The following FGF13 variants were observed in gnomAD, a reference collection of about 807,000 sequenced individuals.
FGF13 encodes fibroblast growth factor homologous factor 2.
FGF13 carries 2 observed loss-of-function variants against 19.5 expected under a neutral mutation model. That is an observed-to-expected ratio of 0.10 (90% CI 0.04 to 0.32). The LOEUF is 0.32. Among genes scored for constraint, FGF13 ranks in the 10% least tolerant of loss-of-function variants. The pLI is 1.00. For missense variants in FGF13, 113 were observed against 192.7 expected, an observed-to-expected ratio of 0.59 and a Z score of 2.45; for synonymous variants, 72 against 76.9, an observed-to-expected ratio of 0.94 and a Z score of 0.33.
At chrX:138,829,446 C>T (rs1323630526) in intron 3 of FGF13, among the ~76,000 whole-genome samples, 1 of 111,489 alleles carries the variant, frequency 9.0e-6, no homozygotes, top group African/African-American at 3.3e-5. Flanking sequence ...CTGCAGACGC[C>T]TGTTCTGCTG....
intron 1 of FGF13, among the ~76,000 whole-genome samples, chrX:139,029,798 C>T (rs1198023934): frequency 9.0e-6 from 1 of 111,546 alleles, no homozygotes; most frequent in Non-Finnish European, 1.9e-5. Flanking sequence ...ATTAGAAGAA[C>T]ATTATCATGA....
At chrX:139,144,395 A>G (rs2083870422) in intron 1 of FGF13, among the ~76,000 whole-genome samples, 1 of 111,998 alleles carries the variant, frequency 8.9e-6, no homozygotes, top group African/African-American at 3.2e-5. Flanking sequence ...GCCAGTTCAC[A>G]TTCACATCCT....
At chrX:138,674,954 T>C (rs1569360960) in intron 3 of FGF13, among the ~76,000 whole-genome samples, 1 of 111,593 alleles carries the variant, frequency 9.0e-6, no homozygotes, top group Non-Finnish European at 1.9e-5. Context: ...GAGAGAATGA[T>C]AATCAAACAC....
chrX:138,802,246 C>T (rs762083150), intron 3 of FGF13, among the ~76,000 whole-genome samples: 88 of 112,273 alleles, frequency 7.8e-4, no homozygotes, highest in African/African-American at 2.7e-3. Context: ...TGTAAGCACA[C>T]GAGGGAATCT....
chrX:139,094,646 C>T (rs1424064768), intron 1 of FGF13, among the ~76,000 whole-genome samples: 3 of 112,473 alleles, frequency 2.7e-5, no homozygotes, highest in African/African-American at 9.7e-5. Flanking sequence ...GTCTTCAAGG[C>T]ACTTAAGGAC....
At chrX:138,654,735 C>T (rs769319949) in intron 3 of FGF13, among the ~76,000 whole-genome samples, 5 of 99,678 alleles carry the variant, frequency 5.0e-5, no homozygotes, top group East Asian at 7.0e-4. Flanking sequence ...AGTGAAACTC[C>T]GGCTCAAAAA....
At chrX:138,645,863 T>G (rs772870164) in intron 3 of FGF13, among the ~76,000 whole-genome samples, 207 of 111,995 alleles carry the variant, frequency 1.8e-3, no homozygotes, top group African/African-American at 6.2e-3. Context: ...AAGAATCTAA[T>G]ACTAGAATTA....
intron 3 of FGF13, among the ~76,000 whole-genome samples, chrX:138,818,931 G>A (rs1192079520): frequency 9.0e-6 from 1 of 111,642 alleles, no homozygotes; most frequent in Non-Finnish European, 1.9e-5. Flanking sequence ...GAATTGTATG[G>A]GCCACTAATT....
intron 1 of FGF13, among the ~76,000 whole-genome samples, chrX:139,107,598 G>A (rs1276657001): frequency 9.0e-6 from 1 of 111,047 alleles, no homozygotes; most frequent in Admixed American, 9.6e-5. Flanking sequence ...TGGAGGAAAG[G>A]AGGGAAAGGA....
intron 1 of FGF13, among the ~76,000 whole-genome samples, chrX:139,028,563 AAGAG>A (rs1488267660): frequency 8.1e-5 from 7 of 86,037 alleles, no homozygotes; most frequent in African/African-American, 2.8e-4. Flanking sequence ...GTTAAGGCAG[AAGAG>A]AGAGGGAGAG....
At chrX:138,921,131 T>C (rs1343822955) in intron 1 of FGF13, among the ~76,000 whole-genome samples, 1 of 111,720 alleles carries the variant, frequency 9.0e-6, no homozygotes, top group African/African-American at 3.3e-5. Context: ...AGGTACATAG[T>C]TAGCACTCAA....
At chrX:139,053,232 A>G (rs182594897) in intron 1 of FGF13, among the ~76,000 whole-genome samples, 125 of 110,877 alleles carry the variant, frequency 1.1e-3, no homozygotes, top group African/African-American at 3.4e-3. Flanking sequence ...GTGTGTGTGT[A>G]TATATCATAT....
intron 1 of FGF13, among the ~76,000 whole-genome samples, chrX:139,161,549 C>T (rs896083542): frequency 1.8e-5 from 2 of 111,194 alleles, no homozygotes; most frequent in African/African-American, 3.3e-5. Flanking sequence ...AGTCTGGCCA[C>T]GGCACTCAGG....
chrX:138,932,436 G>A (rs1032067565), intron 1 of FGF13, among the ~76,000 whole-genome samples: 5 of 108,313 alleles, frequency 4.6e-5, no homozygotes, highest in African/African-American at 1.0e-4. Context: ...AAAATTAGCC[G>A]GGCCTGGTGG....
At chrX:138,902,018 C>T (rs1034697143) in intron 1 of FGF13, among the ~76,000 whole-genome samples, 2 of 112,429 alleles carry the variant, frequency 1.8e-5, no homozygotes, top group African/African-American at 6.5e-5. Flanking sequence ...AGTTAAAACA[C>T]TCTAAGTTCC....
chrX:138,847,332 TG>T (rs2091189672), intron 3 of FGF13, among the ~76,000 whole-genome samples: 1 of 112,060 alleles, frequency 8.9e-6, no homozygotes, highest in South Asian at 3.7e-4. Context: ...TGCACAGTGT[TG>T]TCACTGAAGA....
intron 1 of FGF13, among the ~76,000 whole-genome samples, chrX:139,158,272 C>G (rs1286997958): frequency 9.1e-6 from 1 of 110,243 alleles, no homozygotes; most frequent in Non-Finnish European, 1.9e-5. Context: ...CCGTTCACTC[C>G]CCTGGAAAGG....
chrX:138,670,278 C>T (rs1200469362), intron 3 of FGF13, among the ~76,000 whole-genome samples: 2 of 111,797 alleles, frequency 1.8e-5, no homozygotes, highest in East Asian at 5.7e-4. Context: ...AGGGAAGAAA[C>T]TTGATTTTGT....
At chrX:138,797,020 A>G (rs1160570270) in intron 3 of FGF13, among the ~76,000 whole-genome samples, 2 of 111,561 alleles carry the variant, frequency 1.8e-5, no homozygotes, top group Admixed American at 1.9e-4. Context: ...GTTCACTCTG[A>G]TGATAGTTTA....
Sources: allele counts gnomAD v4.1 joint callset (sites outside exome capture counted in the v4.1 genomes callset), GRCh38; gene constraint gnomAD v4.1.1; transcripts MANE v1.5; gene names NCBI Gene and HGNC (gene_info 2026-07-23, HGNC 2026-07-21).